AGAP1: variants seen among roughly 807,000 people sequenced by gnomAD.
The protein encoded by AGAP1 is ArfGAP with GTPase domain, ankyrin repeat and PH domain 1.
Under a neutral mutation model 105.3 loss-of-function variants are expected in AGAP1, and 29 were observed. The ratio of observed to expected loss-of-function variants is 0.28; its 90% CI spans 0.21 to 0.38. AGAP1 has a LOEUF of 0.38. AGAP1 is among the 10% of genes least tolerant of loss of function. The pLI is 1.00. For missense variants in AGAP1, 998 were observed against 1,165.1 expected (o/e 0.86, Z 2.09); for synonymous variants, 509 against 485.9 (o/e 1.05, Z -0.63).
At position 235,550,708 on chromosome 2, in the gene AGAP1, C is replaced by T. The variant is rs1248872391; in HGVS notation, c.163+55859C>T. 1.3e-5 allele frequency among the ~76,000 whole-genome samples: 2 copies of T among 152,180 alleles called. No homozygotes were observed. Among genetic ancestry groups the T allele is most frequent in the Non-Finnish European group, 2.9e-5 (2 of 68,026 alleles). On this transcript the variant is annotated intron_variant, in intron 1 of 17. Coordinates refer to ENST00000304032, the MANE Select transcript of AGAP1 (RefSeq NM_001037131.3). The surrounding 1 kb of genome is among the most constrained non-coding windows in gnomAD (Gnocchi z 4.6). ...CCGGGCATGATGCGGAATGTAGTGACGATCGCAAATCCTTCCTGTGGCCAA... is the reference window on the plus strand; with the variant it reads ...CCGGGCATGATGCGGAATGTAGTGATGATCGCAAATCCTTCCTGTGGCCAA...
At position 235,612,828 on chromosome 2, in the gene AGAP1, C is replaced by T. The variant is rs1574963857; in HGVS notation, c.164-96351C>T. Among the ~76,000 whole-genome samples the T allele has an allele frequency of 6.6e-6, 1 of 152,098 alleles. No individual in the cohort carries two copies. Among genetic ancestry groups the T allele is most frequent in the Non-Finnish European group, 1.5e-5 (1 of 68,024 alleles). ...TGTTGTGATCTTGTGGAGGGAATGA[C>T]CCCACGTCTCTGGATTCTGGCTTCT... On this transcript the variant is annotated intron_variant, in intron 1 of 17. Coordinates refer to ENST00000304032, the MANE Select transcript of AGAP1 (RefSeq NM_001037131.3). This position sits in a 1 kb window ranked among gnomAD's most constrained non-coding sequence, Gnocchi z 4.3.
At position 235,769,543 on chromosome 2, in the gene AGAP1, A is replaced by G. The variant is rs1955248160; in HGVS notation, c.673+19055A>G. Among the ~76,000 whole-genome samples, 1 of 152,222 alleles carries G rather than the reference A, an allele frequency of 6.6e-6. No homozygotes were observed. The highest frequency in any genetic ancestry group is 2.4e-5 in the African/African-American group (1 of 41,450). On this transcript the variant is annotated intron_variant, in intron 6 of 17. Coordinates refer to ENST00000304032, the MANE Select transcript of AGAP1 (RefSeq NM_001037131.3). The surrounding 1 kb of genome is among the most constrained non-coding windows in gnomAD (Gnocchi z 4.4). ...CAGGCCCTTTGCCCAAATGGTTGTTAAAGAAATGCAAACAGTTAGTTGTTC... is the reference window on the plus strand; with the variant it reads ...CAGGCCCTTTGCCCAAATGGTTGTTGAAGAAATGCAAACAGTTAGTTGTTC...
intron 1 of AGAP1, among the ~76,000 whole-genome samples, chr2:235,543,961 G>A (rs535244988): frequency 2.0e-5 from 3 of 152,242 alleles, no homozygotes; most frequent in Admixed American, 6.5e-5. Context: ...TCTCTCTGCC[G>A]CCTGTGCCCA....
chr2:235,696,666 TTAG>T lies in AGAP1; in HGVS notation c.164-12508_164-12506del, dbSNP rs373011161. ...TTAATCATGTAACACAATCACAAAA[TTAG>T]TAGTGGCACCATGCTATCGCTGCCC... is the stretch of plus-strand genomic sequence containing the variant. On this transcript the variant is annotated intron_variant, in intron 1 of 17. Coordinates refer to ENST00000304032, the MANE Select transcript of AGAP1 (RefSeq NM_001037131.3). Among the ~76,000 whole-genome samples, 484 of 152,206 alleles carry T rather than the reference TTAG, an allele frequency of 3.2e-3. 2 individuals are homozygous for T. The highest frequency in any genetic ancestry group is 6.8e-3 in the Middle Eastern group (2 of 294).
chr2:235,843,018 T>C lies in AGAP1; in HGVS notation c.1050+35687T>C, dbSNP rs1961042244. Among the ~76,000 whole-genome samples the C allele has an allele frequency of 6.6e-6, 1 of 152,226 alleles. No homozygotes were observed. Among genetic ancestry groups the C allele is most frequent in the Non-Finnish European group, 1.5e-5 (1 of 68,038 alleles). On this transcript the variant is annotated intron_variant, in intron 9 of 17. Transcript: ENST00000304032. The surrounding 1 kb of genome is among the most constrained non-coding windows in gnomAD (Gnocchi z 5.9). ...CTGGAGTTACAGGCGTTAGCTGCCG[T>C]GCCCGGCCCGTGTGAGATTTGATGT...
At chr2:235,941,550 C>G (rs1350245577) in intron 12 of AGAP1, among the ~76,000 whole-genome samples, 1 of 152,186 alleles carries the variant, frequency 6.6e-6, no homozygotes, top group Non-Finnish European at 1.5e-5. Context: ...GCAAGGCATA[C>G]GTTCGCATTC....
chr2:235,585,340 C>G (rs542541326), intron 1 of AGAP1, among the ~76,000 whole-genome samples: 1 of 152,152 alleles, frequency 6.6e-6, no homozygotes. Flanking sequence ...TGGCCTCTGC[C>G]GTGGTAGCTG....
At chr2:235,673,156 G>A (rs541881200) in intron 1 of AGAP1, among the ~76,000 whole-genome samples, 116 of 152,320 alleles carry the variant, frequency 7.6e-4, no homozygotes, top group African/African-American at 2.5e-3. Context: ...ATATTCTTAG[G>A]ATTTTGGTGA....
rs1016088401 is a variant in AGAP1, at chr2:235,888,283, T to C, written c.1155+4834T>C. On this transcript the variant is annotated intron_variant, in intron 10 of 17. Coordinates refer to ENST00000304032, the MANE Select transcript of AGAP1 (RefSeq NM_001037131.3). The surrounding 1 kb of genome is among the most constrained non-coding windows in gnomAD (Gnocchi z 4.8). ...ACCGAGAAGGTGGAATCGAGGGTCT[T>C]TACCACCCTTGTCTTTCTCCCTCTG... is the stretch of plus-strand genomic sequence containing the variant. Among the ~76,000 whole-genome samples the C allele has an allele frequency of 6.6e-6, 1 of 152,172 alleles. No homozygotes were observed.
chr2:235,798,972 C>CAA (rs1957369807), intron 7 of AGAP1, among the ~76,000 whole-genome samples: 1 of 151,524 alleles, frequency 6.6e-6, no homozygotes, highest in Non-Finnish European at 1.5e-5. Flanking sequence ...TTCCAGGTGT[C>CAA]ATTTTCATAA....
Position 235,970,900 on chromosome 2 carries a change from C to T in AGAP1, c.1645+2277C>T, listed in dbSNP as rs1294584675. Among the ~76,000 whole-genome samples, 5 of 152,172 alleles carry T rather than the reference C, an allele frequency of 3.3e-5. No individual in the cohort carries two copies. In the East Asian group the frequency reaches 5.8e-4, roughly 18 times the overall value. On this transcript the variant is annotated intron_variant, in intron 13 of 17. Coordinates refer to ENST00000304032, the MANE Select transcript of AGAP1 (RefSeq NM_001037131.3). The surrounding 1 kb of genome is among the most constrained non-coding windows in gnomAD (Gnocchi z 5.4). ...AATAGTGGATACCCAGGCTGAGACA[C>T]GGGCTCTGTCCAAGCAGCAAATGGG...
intron 1 of AGAP1, among the ~76,000 whole-genome samples, chr2:235,704,969 C>CTTTTTTTTTTTTTTTTTTTTT (rs969370505): frequency 1.7e-5 from 1 of 59,698 alleles, no homozygotes; most frequent in Non-Finnish European, 3.0e-5. Context: ...ATGCTTTTTT[C>CTTTTTTTTTTTTTTTTTTTTT]TTTTTTTTTT....
intron 16 of AGAP1, among the ~76,000 whole-genome samples, chr2:236,067,693 C>T (rs754164237): frequency 2.6e-5 from 4 of 152,222 alleles, no homozygotes; most frequent in Admixed American, 6.5e-5. Context: ...GAATGGGGTC[C>T]TGTCTTTTCT....
chr2:235,780,408 A>G (rs965068569), intron 6 of AGAP1, among the ~76,000 whole-genome samples: 7 of 152,164 alleles, frequency 4.6e-5, no homozygotes, highest in Admixed American at 3.9e-4. Flanking sequence ...CAAGTAAGCA[A>G]ACTCAAAGAG....
chr2:235,594,883 GT>G (rs34386154), intron 1 of AGAP1, among the ~76,000 whole-genome samples: 7,018 of 109,826 alleles, frequency 0.064, 146 homozygotes, highest in Non-Finnish European at 0.085. Context: ...CCAGATTGCT[GT>G]TTTTTTTTTT....
At chr2:235,661,036 G>A (rs189842919) in intron 1 of AGAP1, among the ~76,000 whole-genome samples, 127 of 152,222 alleles carry the variant, frequency 8.3e-4, no homozygotes, top group South Asian at 4.0e-3. Context: ...TGAGGGCTCC[G>A]AACAGAATTG....
In AGAP1 at chr2:235,645,701, G is replaced by A. The variant is rs114888509; in HGVS notation, c.164-63478G>A. On this transcript the variant is annotated intron_variant, in intron 1 of 17. Transcript: ENST00000304032. ...CCACCCCTTCCTGCAGAGGGAGGTG[G>A]GGAGACAAGGTCGGCCTGAGTGTCC... Among the ~76,000 whole-genome samples, 921 of 152,264 alleles carry A rather than the reference G, an allele frequency of 6.0e-3. 10 individuals carry two copies. Among genetic ancestry groups the A allele is most frequent in the African/African-American group, 0.021 (867 of 41,550 alleles).
chr2:236,099,288 TAA>T (rs1170830359), intron 16 of AGAP1, among the ~76,000 whole-genome samples: 4 of 151,662 alleles, frequency 2.6e-5, no homozygotes, highest in African/African-American at 9.7e-5. Flanking sequence ...CCATCTCTAC[TAA>T]AAAAATACAA....
At chr2:235,803,007 G>GTGATGGTGATGGTGGTGA (rs1575506581) in intron 8 of AGAP1, among the ~76,000 whole-genome samples, 1 of 7,734 alleles carries the variant, frequency 1.3e-4, no homozygotes, top group Non-Finnish European at 4.0e-4. Flanking sequence ...GGTGATGGTT[G>GTGATGGTGATGGTGGTGA]TGGTTGTGAT....
Sources: allele counts gnomAD v4.1 joint callset (sites outside exome capture counted in the v4.1 genomes callset), GRCh38; gene constraint gnomAD v4.1.1; non-coding constraint Gnocchi (gnomAD v3.1); transcripts MANE v1.5; gene names NCBI Gene and HGNC (gene_info 2026-07-23, HGNC 2026-07-21).